RASEF: variants seen among roughly 807,000 people sequenced by gnomAD.
RASEF encodes ras and EF-hand domain-containing protein.
A neutral mutation model predicts 90.1 loss-of-function variants in RASEF; 68 were observed. The observed-to-expected ratio is 0.75, with a 90% CI of 0.62 to 0.92. RASEF has a LOEUF of 0.92. RASEF is among the 40% of genes least tolerant of loss of function. RASEF has a pLI of 0.00. For synonymous variants in RASEF, 331 were observed against 345.2 expected (o/e 0.96, Z 0.46); for missense variants, 949 against 937.2 (o/e 1.01, Z -0.16).
chr9:83,130,026 TG>T, the RASEF span, among the ~76,000 whole-genome samples: 1 of 152,210 alleles, frequency 6.6e-6, no homozygotes, highest in Non-Finnish European at 1.5e-5. Flanking sequence ...CCAAATGCCT[TG>T]GTATATTTTG....
At chr9:83,114,295 A>G in the RASEF span, among the ~76,000 whole-genome samples, 1 of 152,308 alleles carries the variant, frequency 6.6e-6, no homozygotes, top group Non-Finnish European at 1.5e-5. Flanking sequence ...GTGATTTCCT[A>G]TGCCTGTCTT....
chr9:82,990,583 T>C (rs1029911574), intron 15 of RASEF, 116 bp from the exon 16 acceptor site: 4 of 639,530 alleles, frequency 6.3e-6, no homozygotes, highest in African/African-American at 5.7e-5. Flanking sequence ...TAAGAGTAAC[T>C]AATAGCTAAG....
At chr9:83,093,499 T>C in the RASEF span, among the ~76,000 whole-genome samples, 645 of 152,322 alleles carry the variant, frequency 4.2e-3, 15 homozygotes, top group East Asian at 0.041. Context: ...GGGCTGGCAC[T>C]GCTGGGGGAC....
At chr9:82,991,184 C>T (rs1156483368) in intron 15 of RASEF, among the ~76,000 whole-genome samples, 1 of 152,150 alleles carries the variant, frequency 6.6e-6, no homozygotes, top group Non-Finnish European at 1.5e-5. Context: ...GCAAAGCCTT[C>T]CCACCTTGGG....
Position 83,000,915 on chromosome 9 carries a change from C to T in RASEF, c.1418G>A (p.Gly473Asp), listed in dbSNP as rs1192356505. ...RSHGVQESFG[G>D]DASDTDVPDI... ...GCTTACATCTGTGTCTGAAGCATCACCTCCAAAGCTCTCCTGCACCCCGTG... is the reference window on the plus strand; with the variant it reads ...GCTTACATCTGTGTCTGAAGCATCATCTCCAAAGCTCTCCTGCACCCCGTG... Residue 473 changes from glycine (G) to aspartate (D), a missense_variant, in exon 10 of 17, where the codon GGT becomes GAT. Physicochemically the swap from Gly to Asp is moderately conservative, Grantham distance 94. Coordinates refer to ENST00000376447, the MANE Select transcript of RASEF (RefSeq NM_152573.4). 8.7e-6 allele frequency: 14 copies of T among 1,613,868 alleles called. No homozygotes were observed. The highest frequency in any genetic ancestry group is 1.2e-5 in the Non-Finnish European group (14 of 1,179,874).
At chr9:83,099,617 A>T in the RASEF span, among the ~76,000 whole-genome samples, 1 of 152,238 alleles carries the variant, frequency 6.6e-6, no homozygotes. Context: ...TGATTCACAA[A>T]ATTTCAATTT....
intron 1 of RASEF, chr9:83,055,376 T>A: frequency 4.1e-6 from 2 of 484,152 alleles, no homozygotes; most frequent in Non-Finnish European, 3.8e-6. Context: ...GCTTCCCAGG[T>A]GAGGCAATGC....
chr9:83,087,274 T>C, the RASEF span, among the ~76,000 whole-genome samples: 2 of 152,110 alleles, frequency 1.3e-5, no homozygotes, highest in Admixed American at 6.5e-5. Context: ...AGTGTGATGG[T>C]ATTTGGAGTT....
At chr9:83,206,399 ATACT>A in the RASEF span, among the ~76,000 whole-genome samples, 1 of 152,254 alleles carries the variant, frequency 6.6e-6, no homozygotes, top group African/African-American at 2.4e-5. Context: ...CAGGCATAAA[ATACT>A]TATTTCCATA....
chr9:83,115,474 T>C, the RASEF span, among the ~76,000 whole-genome samples: 1,411 of 152,270 alleles, frequency 9.3e-3, 18 homozygotes, highest in African/African-American at 0.033. Context: ...TCACTTTGTC[T>C]CCACTGGTCA....
chr9:83,212,072 G>A, the RASEF span, among the ~76,000 whole-genome samples: 1 of 152,104 alleles, frequency 6.6e-6, no homozygotes, highest in Non-Finnish European at 1.5e-5. Flanking sequence ...TTATATGTAT[G>A]TATATATGTA....
At chr9:83,032,501 C>T (rs1829665300) in intron 1 of RASEF, among the ~76,000 whole-genome samples, 1 of 152,192 alleles carries the variant, frequency 6.6e-6, no homozygotes, top group Admixed American at 6.5e-5. Flanking sequence ...TGCATCTGTG[C>T]TGAGAGAGCA....
chr9:83,002,866 T>C (rs1829064983), intron 9 of RASEF, among the ~76,000 whole-genome samples: 3 of 152,066 alleles, frequency 2.0e-5, no homozygotes, highest in Admixed American at 2.0e-4. Flanking sequence ...ATGTACCCCC[T>C]GAATCTTAAA....
chr9:83,183,056 C>T, the RASEF span, among the ~76,000 whole-genome samples: 1 of 152,066 alleles, frequency 6.6e-6, no homozygotes, highest in Non-Finnish European at 1.5e-5. Context: ...AAACTTGGGA[C>T]AGTAACAGAA....
At chr9:83,075,767 G>A in the RASEF span, among the ~76,000 whole-genome samples, 6 of 151,906 alleles carry the variant, frequency 3.9e-5, no homozygotes, top group Non-Finnish European at 7.4e-5. Context: ...GCTATAACAT[G>A]AAGAGATGTT....
intron 1 of RASEF, chr9:83,048,317 T>A: frequency 1.0e-6 from 1 of 985,280 alleles, no homozygotes; most frequent in Admixed American, 6.1e-5. Flanking sequence ...GGTAGAGGGG[T>A]GGAAACTCCC....
the RASEF span, among the ~76,000 whole-genome samples, chr9:83,215,759 T>C: frequency 6.6e-6 from 1 of 152,008 alleles, no homozygotes; most frequent in East Asian, 1.9e-4. Context: ...GTTGGAATGG[T>C]TTGAGGAGCT....
chr9:82,984,701 T>C (rs1050990830), intron 16 of RASEF, among the ~76,000 whole-genome samples: 2 of 152,080 alleles, frequency 1.3e-5, no homozygotes, highest in Non-Finnish European at 2.9e-5. Flanking sequence ...GATAATAAAT[T>C]TGCATTATTT....
the RASEF span, among the ~76,000 whole-genome samples, chr9:83,209,445 C>T: frequency 1.3e-5 from 2 of 152,198 alleles, no homozygotes; most frequent in African/African-American, 2.4e-5. Flanking sequence ...TTTTTAAATA[C>T]ATGCTGTTTC....
Sources: allele counts gnomAD v4.1 joint callset (sites outside exome capture counted in the v4.1 genomes callset), GRCh38; gene constraint gnomAD v4.1.1; transcripts MANE v1.5; gene names NCBI Gene and HGNC (gene_info 2026-07-23, HGNC 2026-07-21).